Variants in GLS observed in about 807,000 individuals in gnomAD.
GLS encodes the protein glutaminase kidney isoform, mitochondrial.
GLS carries 36 observed loss-of-function variants against 86.7 expected under a neutral mutation model. That is an observed-to-expected ratio of 0.42 (90% CI 0.32 to 0.55). The LOEUF (loss-of-function observed/expected upper bound fraction) is 0.55, where lower values mean the gene tolerates loss of function less well. Among genes scored for constraint, GLS ranks in the 20% least tolerant of loss-of-function variants. The pLI, the probability that GLS is intolerant of heterozygous loss-of-function variation, is 0.17. For missense variants in GLS, 528 were observed against 833.4 expected, an observed-to-expected ratio of 0.63 and a Z score of 4.51; for synonymous variants, 317 against 305.9, an observed-to-expected ratio of 1.04 and a Z score of -0.38.
Position 190,895,221 on chromosome 2 carries a change from G to A in GLS, c.456G>A (p.Glu152=), listed in dbSNP as rs747392305. The A allele has an allele frequency of 1.6e-5, 23 of 1,469,424 alleles. No individual in the cohort carries two copies. The Admixed American group carries it at 2.7e-4, about 17-fold the overall frequency. The allele number at this position is 1,469,424 out of a possible 1,614,324, so 91.0% of individuals were successfully genotyped here. A position where few individuals can be genotyped will look rare whatever the true frequency, so the allele number is the denominator to read the frequency against. Residue 152 remains glutamate, a synonymous_variant, in exon 2 of 18, where the codon GAG becomes GAA. Transcript: ENST00000320717. The surrounding 1 kb of genome is among the most constrained non-coding windows in gnomAD (Gnocchi z 4.2). ...TCTATACAATTGCTGAAGGACAAGAGAAAATACCTGTTCATAAATTTATTA... is the reference window on the plus strand; with the variant it reads ...TCTATACAATTGCTGAAGGACAAGAAAAAATACCTGTTCATAAATTTATTA... ...LLFYTIAEGQ[E]KIPVHKFITA...
At chr2:190,934,469 G>C in intron 14 of GLS, 1 of 974,688 alleles carries the variant, frequency 1.0e-6, no homozygotes, top group Non-Finnish European at 1.2e-6. Context: ...AATGTTCTTT[G>C]AATGTTCAGA....
intron 1 of GLS, among the ~76,000 whole-genome samples, chr2:190,888,557 A>C (rs920161879): frequency 1.3e-5 from 2 of 152,218 alleles, no homozygotes; most frequent in Non-Finnish European, 2.9e-5. Flanking sequence ...GGGGTTCTCT[A>C]GTCACTACTA....
Position 190,901,931 on chromosome 2 carries a change from C to T in GLS, c.736-16C>T. On this transcript the variant is annotated splice_polypyrimidine_tract_variant and intron_variant, in intron 4 of 17. Coordinates refer to ENST00000320717, the MANE Select transcript of GLS (RefSeq NM_014905.5). ...CAATATTATATCTATTCATTTCTTTCCAATCTTTTGGATAGGTTGCAGATT... is the reference window on the plus strand; with the variant it reads ...CAATATTATATCTATTCATTTCTTTTCAATCTTTTGGATAGGTTGCAGATT... The T allele has an allele frequency of 1.3e-6, 2 of 1,500,104 alleles. No individual in the cohort carries two copies. Among genetic ancestry groups the T allele is most frequent in the East Asian group, 2.3e-5 (1 of 44,236 alleles). 92.9% of individuals were successfully genotyped at this position (1,500,104 alleles called of 1,614,324 possible).
At chr2:190,940,418 C>T (rs1690392087) in intron 14 of GLS, among the ~76,000 whole-genome samples, 1 of 151,934 alleles carries the variant, frequency 6.6e-6, no homozygotes, top group Non-Finnish European at 1.5e-5. Flanking sequence ...AATATTTCTG[C>T]CTTAATGTCT....
At chr2:190,885,247 A>T (rs1469907573) in intron 1 of GLS, among the ~76,000 whole-genome samples, 1 of 151,844 alleles carries the variant, frequency 6.6e-6, no homozygotes, top group African/African-American at 2.4e-5. Flanking sequence ...GCTGGAGTGC[A>T]GTGGTGTGAT....
intron 1 of GLS, among the ~76,000 whole-genome samples, chr2:190,882,283 T>A (rs570082163): frequency 9.9e-5 from 15 of 152,222 alleles, no homozygotes; most frequent in Admixed American, 2.0e-4. Context: ...GTAGGTTTTG[T>A]GACTTCATTG....
chr2:190,919,662 C>A, intron 7 of GLS: 1 of 868,790 alleles, frequency 1.2e-6, no homozygotes, highest in Non-Finnish European at 1.4e-6. Context: ...ACAACTGCAA[C>A]AGTTCAATGA....
intron 5 of GLS, among the ~76,000 whole-genome samples, chr2:190,902,787 A>G (rs981753621): frequency 1.3e-5 from 2 of 152,180 alleles, no homozygotes; most frequent in African/African-American, 2.4e-5. Flanking sequence ...AGAAAAATCA[A>G]TATTCTTTTT....
At chr2:190,888,335 T>C (rs1688455623) in intron 1 of GLS, among the ~76,000 whole-genome samples, 1 of 152,194 alleles carries the variant, frequency 6.6e-6, no homozygotes, top group African/African-American at 2.4e-5. Flanking sequence ...ACTTTAAAAA[T>C]TTAAAACTAT....
rs1690724525 is a variant in GLS, at chr2:190,951,688, T to A, written c.1651-1877T>A. On this transcript the variant is annotated intron_variant, in intron 14 of 17. Coordinates refer to ENST00000320717, the MANE Select transcript of GLS (RefSeq NM_014905.5). The surrounding 1 kb of genome is among the most constrained non-coding windows in gnomAD (Gnocchi z 4.2). Reference sequence around the variant, plus strand: ...TGGTATTAAAGGCCTGAAGAAAGTATGGCGGGAACCAACAAGAAAAAAAAA... The same window carrying A: ...TGGTATTAAAGGCCTGAAGAAAGTAAGGCGGGAACCAACAAGAAAAAAAAA... Among the ~76,000 whole-genome samples the A allele has an allele frequency of 6.6e-6, 1 of 151,962 alleles. No individual in the cohort carries two copies. The highest frequency in any genetic ancestry group is 1.5e-5 in the Non-Finnish European group (1 of 68,000).
chr2:190,913,150 CTTGA>C lies in GLS; in HGVS notation c.1038+2832_1038+2835del. 2.3e-6 allele frequency: 3 copies of C among 1,294,358 alleles called. No individual in the cohort carries two copies. The highest frequency in any genetic ancestry group is 3.1e-6 in the Non-Finnish European group (3 of 980,234). 80.2% of individuals were successfully genotyped at this position (1,294,358 alleles called of 1,614,324 possible). The stretch of plus-strand genomic sequence containing the variant: ...ATTAAGTAGAGTCTTTAGTAAGACT[CTTGA>C]TTTCATAATTTTGTAGTATTGATAT... On this transcript the variant is annotated intron_variant, in intron 7 of 17. Coordinates refer to ENST00000320717, the MANE Select transcript of GLS (RefSeq NM_014905.5). This position sits in a 1 kb window ranked among gnomAD's most constrained non-coding sequence, Gnocchi z 6.1.
rs950981968 is a variant in GLS, at chr2:190,947,217, C to G, written c.1651-6348C>G. 1.3e-5 allele frequency among the ~76,000 whole-genome samples: 2 copies of G among 152,158 alleles called. No homozygotes were observed. Among genetic ancestry groups the G allele is most frequent in the African/African-American group, 4.8e-5 (2 of 41,450 alleles). On this transcript the variant is annotated intron_variant, in intron 14 of 17. Transcript: ENST00000320717. This position sits in a 1 kb window ranked among gnomAD's most constrained non-coding sequence, Gnocchi z 5.0. ...AGTAGGATAATGATAGGATTAAAGACTTAGGAATGCCATGTTTTAGATGTG... is the reference window on the plus strand; with the variant it reads ...AGTAGGATAATGATAGGATTAAAGAGTTAGGAATGCCATGTTTTAGATGTG...
rs1688681599 is a variant in GLS, at chr2:190,895,012, C to A, written c.387-140C>A. 4.3e-6 allele frequency: 2 copies of A among 460,642 alleles called. No individual in the cohort carries two copies. The highest frequency in any genetic ancestry group is 6.3e-5 in the East Asian group (2 of 31,942). The allele number at this position is 460,642 out of a possible 1,614,324, so 28.5% of individuals were successfully genotyped here. A position where few individuals can be genotyped will look rare whatever the true frequency, so the allele number is the denominator to read the frequency against. On this transcript the variant is annotated intron_variant, in intron 1 of 17. Transcript: ENST00000320717. The surrounding 1 kb of genome is among the most constrained non-coding windows in gnomAD (Gnocchi z 4.2). Reference sequence around the variant, plus strand: ...TGGTACTGATTTGATTTTGGTAAATCAACATTTATTATGACTGTAGTCTTG... The same window carrying A: ...TGGTACTGATTTGATTTTGGTAAATAAACATTTATTATGACTGTAGTCTTG...
intron 5 of GLS, among the ~76,000 whole-genome samples, chr2:190,902,562 A>G (rs1688983445): frequency 6.6e-6 from 1 of 152,190 alleles, no homozygotes; most frequent in Non-Finnish European, 1.5e-5. Context: ...CTGCTGACAG[A>G]TGAGGAACTT....
chr2:190,924,538 T>C lies in GLS; in HGVS notation c.1198-5T>C, dbSNP rs750924385. 6.5e-7 allele frequency: 1 copy of C among 1,549,444 alleles called. No individual in the cohort carries two copies. The highest frequency in any genetic ancestry group is 8.9e-7 in the Non-Finnish European group (1 of 1,121,082). ...AATTTTTAATTGCCTTTCTGGTTTT[T>C]TTAGTGTTTTCCAGAAGGCACAGAC... On this transcript the variant is annotated splice_region_variant and splice_polypyrimidine_tract_variant and intron_variant, in intron 10 of 17. Transcript: ENST00000320717. This position sits in a 1 kb window ranked among gnomAD's most constrained non-coding sequence, Gnocchi z 5.2.
chr2:190,914,571 C>A lies in GLS; in HGVS notation c.1038+4250C>A, dbSNP rs1689462114. On this transcript the variant is annotated intron_variant, in intron 7 of 17. Coordinates refer to ENST00000320717, the MANE Select transcript of GLS (RefSeq NM_014905.5). The surrounding 1 kb of genome is among the most constrained non-coding windows in gnomAD (Gnocchi z 4.4). ...CCTGGAGTGTCTTATTTTTTATTTT[C>A]CTAATACTCTTTAGCTTTAAACCAT... Among the ~76,000 whole-genome samples the A allele has an allele frequency of 6.6e-6, 1 of 151,030 alleles. No individual in the cohort carries two copies. Among genetic ancestry groups the A allele is most frequent in the South Asian group, 2.1e-4 (1 of 4,790 alleles).
At chr2:190,936,375 A>G (rs1387166087) in intron 14 of GLS, among the ~76,000 whole-genome samples, 1 of 151,158 alleles carries the variant, frequency 6.6e-6, no homozygotes, top group Admixed American at 6.6e-5. Context: ...ATACATATAT[A>G]TGATTTCCTT....
chr2:190,965,459 T>TGTAA lies in GLS; in HGVS notation c.*2477_*2480dup, dbSNP rs1223147955. On this transcript the variant is annotated 3_prime_UTR_variant, in exon 18 of 18. Coordinates refer to ENST00000320717, the MANE Select transcript of GLS (RefSeq NM_014905.5). This position sits in a 1 kb window ranked among gnomAD's most constrained non-coding sequence, Gnocchi z 5.0. ...TGAATCTAATCTTAAAACTACAAGT[T>TGTAA]GTAAGTATTCTGAAATTGGGAAACA... is the stretch of plus-strand genomic sequence containing the variant. 2.0e-5 allele frequency: 3 copies of TGTAA among 152,632 alleles called. No homozygotes were observed. Among genetic ancestry groups the TGTAA allele is most frequent in the African/African-American group, 7.2e-5 (3 of 41,442 alleles). 9.5% of individuals were successfully genotyped at this position (152,632 alleles called of 1,614,324 possible).
chr2:190,927,242 T>C (rs949683909), intron 11 of GLS, 64 bp from the exon 12 acceptor site: 1 of 1,153,494 alleles, frequency 8.7e-7, no homozygotes, highest in Non-Finnish European at 1.2e-6. Context: ...ATAAAATAGA[T>C]TATCTTAAAA....
Sources: allele counts gnomAD v4.1 joint callset (sites outside exome capture counted in the v4.1 genomes callset), GRCh38; gene constraint gnomAD v4.1.1; non-coding constraint Gnocchi (gnomAD v3.1); transcripts MANE v1.5; gene names NCBI Gene and HGNC (gene_info 2026-07-23, HGNC 2026-07-21).